Variants in VGLL4 observed in about 807,000 individuals in gnomAD.
VGLL4 encodes transcription cofactor vestigial-like protein 4.
In VGLL4, 7 loss-of-function variants were observed where a neutral mutation model predicts 21.0. The observed-to-expected ratio is 0.33, with a 90% CI of 0.19 to 0.63. The LOEUF is 0.63. Among genes scored for constraint, VGLL4 ranks in the 20% least tolerant of loss-of-function variants. VGLL4 has a pLI of 0.78. For missense variants in VGLL4, 394 were observed against 425.7 expected, an observed-to-expected ratio of 0.93 and a Z score of 0.66; for synonymous variants, 222 against 173.2, an observed-to-expected ratio of 1.28 and a Z score of -2.21.
intron 1 of VGLL4, among the ~76,000 whole-genome samples, chr3:11,639,442 A>T (rs558150245): frequency 6.6e-6 from 1 of 152,380 alleles, no homozygotes; most frequent in Admixed American, 6.5e-5. Flanking sequence ...AATTTGGACC[A>T]GCAACTGGCT....
At chr3:11,658,974 C>A (rs1044073977) in intron 2 of VGLL4, among the ~76,000 whole-genome samples, 1 of 152,102 alleles carries the variant, frequency 6.6e-6, no homozygotes, top group Non-Finnish European at 1.5e-5. Context: ...CACCTCCAGG[C>A]GTCAGGCACA....
chr3:11,574,592 A>C (rs920654372), intron 2 of VGLL4, among the ~76,000 whole-genome samples: 2 of 152,200 alleles, frequency 1.3e-5, no homozygotes, highest in South Asian at 4.1e-4. Context: ...AGACCACTGT[A>C]GGGTGACTGC....
Position 11,643,649 on chromosome 3 carries a change from AAAAC to A in VGLL4, c.-135_-132del, listed in dbSNP as rs954117894. 22 of 1,490,638 alleles carry A rather than the reference AAAAC, an allele frequency of 1.5e-5. No homozygotes were observed. In the African/African-American group the frequency reaches 3.0e-4, roughly 20 times the overall value. The allele number at this position is 1,490,638 out of a possible 1,614,324, so 92.3% of individuals were successfully genotyped here. A position where few individuals can be genotyped will look rare whatever the true frequency, so the allele number is the denominator to read the frequency against. On this transcript the variant is annotated 5_prime_UTR_variant, in exon 1 of 5. Transcript: ENST00000430365. ...GGCAGAGGCCCAGCCTCAGACTATC[AAAAC>A]AAAGTATGCAAAAGTTAAAAAAAAA...
At chr3:11,632,709 A>C (rs1008665141) in intron 1 of VGLL4, among the ~76,000 whole-genome samples, 3 of 152,228 alleles carry the variant, frequency 2.0e-5, no homozygotes, top group African/African-American at 7.2e-5. Context: ...AACAGACATC[A>C]ACCTGGCATA....
chr3:11,638,118 T>C (rs189498211), intron 1 of VGLL4, among the ~76,000 whole-genome samples: 1 of 152,332 alleles, frequency 6.6e-6, no homozygotes, highest in East Asian at 1.9e-4. Flanking sequence ...ATCCTCACAG[T>C]CAGGGAGAAC....
intron 2 of VGLL4, among the ~76,000 whole-genome samples, chr3:11,685,180 G>T (rs1258664801): frequency 6.7e-6 from 1 of 149,904 alleles, no homozygotes; most frequent in Non-Finnish European, 1.5e-5. Context: ...TTTTGTAGCT[G>T]CATAGTATTC....
intron 2 of VGLL4, among the ~76,000 whole-genome samples, chr3:11,673,020 C>T (rs575707740): frequency 1.8e-4 from 27 of 152,278 alleles, no homozygotes; most frequent in Non-Finnish European, 3.4e-4. Flanking sequence ...ACCCAGCCAC[C>T]GGACTGGGGG....
intron 1 of VGLL4, among the ~76,000 whole-genome samples, chr3:11,716,776 T>C (rs2076924326): frequency 1.3e-5 from 2 of 152,186 alleles, no homozygotes; most frequent in Admixed American, 1.3e-4. Context: ...TTTTGCAATC[T>C]AGTTCTTATG....
chr3:11,602,803 C>T (rs186134654), intron 1 of VGLL4, among the ~76,000 whole-genome samples: 37 of 152,264 alleles, frequency 2.4e-4, no homozygotes, highest in Non-Finnish European at 1.6e-4. Flanking sequence ...CTTTGTGCCT[C>T]GCTGTGAATT....
At chr3:11,672,864 G>A (rs1321436011) in intron 2 of VGLL4, among the ~76,000 whole-genome samples, 1 of 152,098 alleles carries the variant, frequency 6.6e-6, no homozygotes, top group Admixed American at 6.6e-5. Context: ...TACCTAAGAA[G>A]CTACTAATAA....
At chr3:11,629,974 G>GA (rs1241436461) in intron 1 of VGLL4, among the ~76,000 whole-genome samples, 1 of 151,868 alleles carries the variant, frequency 6.6e-6, no homozygotes, top group African/African-American at 2.4e-5. Flanking sequence ...TAAGCTAAAG[G>GA]AAAGTGTTCT....
intron 2 of VGLL4, 72 bp downstream of exon 2, chr3:11,601,761 C>G: frequency 1.3e-6 from 2 of 1,523,096 alleles, no homozygotes; most frequent in Non-Finnish European, 1.8e-6. Context: ...TCAGAATTAG[C>G]ACAAAGTTGC....
chr3:11,643,773 C>T lies in VGLL4; in HGVS notation c.-255G>A, dbSNP rs958548688. On this transcript the variant is annotated 5_prime_UTR_variant, in exon 1 of 5. Transcript: ENST00000430365. The stretch of plus-strand genomic sequence containing the variant: ...CTGTATCCCCGATCGAGTATGAAAA[C>T]AGCGTTTCAGAAGTCCTTACAAGTC... The T allele has an allele frequency of 3.3e-6, 4 of 1,206,448 alleles. No individual in the cohort carries two copies. The highest frequency in any genetic ancestry group is 8.2e-5 in the Admixed American group (2 of 24,272). The allele number at this position is 1,206,448 out of a possible 1,614,324, so 74.7% of individuals were successfully genotyped here. A position where few individuals can be genotyped will look rare whatever the true frequency, so the allele number is the denominator to read the frequency against.
chr3:11,643,662 C>T lies in VGLL4; in HGVS notation c.-144G>A. 1 of 1,385,974 alleles carries T rather than the reference C, an allele frequency of 7.2e-7. No individual in the cohort carries two copies. Among genetic ancestry groups the T allele is most frequent in the Non-Finnish European group, 9.3e-7 (1 of 1,075,548 alleles). The allele number at this position is 1,385,974 out of a possible 1,614,324, so 85.9% of individuals were successfully genotyped here. A position where few individuals can be genotyped will look rare whatever the true frequency, so the allele number is the denominator to read the frequency against. ...CCTCAGACTATCAAAACAAAGTATG[C>T]AAAAGTTAAAAAAAAAAAAATCAGG... On this transcript the variant is annotated 5_prime_UTR_variant, in exon 1 of 5. Transcript: ENST00000430365.
At position 11,558,756 on chromosome 3, in the gene VGLL4, C is replaced by G. The variant is rs763815966; in HGVS notation, c.691G>C (p.Glu231Gln). 1.9e-6 allele frequency: 3 copies of G among 1,614,154 alleles called. No homozygotes were observed. In the East Asian group the frequency reaches 6.7e-5, roughly 36 times the overall value. The change falls in exon 5 of 5, where the codon GAG (glutamate) becomes CAG (glutamine). Residue 231 changes from glutamate (E) to glutamine (Q), a missense_variant. By Grantham distance (29) the Glu-to-Gln change is conservative. Coordinates refer to ENST00000430365, the MANE Select transcript of VGLL4 (RefSeq NM_001128219.3). ...ATGGACACGGAGTTGGGTGCCGGCT[C>G]GGGCTCCTTGTAATTCTTGCCCAGG... The part of the protein sequence containing the change: ...RSLGKNYKEP[E>Q]PAPNSVSITG...
At position 11,608,997 on chromosome 3, in the gene VGLL4, G is replaced by A. The variant is rs569157785; in HGVS notation, c.83-6975C>T. Among the ~76,000 whole-genome samples the A allele has an allele frequency of 1.0e-3, 156 of 152,184 alleles. 1 individual carries two copies. The highest frequency in any genetic ancestry group is 3.5e-3 in the African/African-American group (147 of 41,526). On this transcript the variant is annotated intron_variant, in intron 1 of 4. Coordinates refer to ENST00000430365, the MANE Select transcript of VGLL4 (RefSeq NM_001128219.3). Reference sequence around the variant, plus strand: ...CTGCGTCAGCCTCCCGAGTGTAGCCGGGACTACAAGTGCTCGCCACCATGC... The same window carrying A: ...CTGCGTCAGCCTCCCGAGTGTAGCCAGGACTACAAGTGCTCGCCACCATGC...
chr3:11,647,028 T>C (rs960224311), upstream of VGLL4, among the ~76,000 whole-genome samples: 2 of 152,248 alleles, frequency 1.3e-5, no homozygotes, highest in Admixed American at 1.3e-4. Flanking sequence ...TTTCTAGTTA[T>C]AGGGCTGCAT....
chr3:11,609,500 A>T (rs1460325935), intron 1 of VGLL4, among the ~76,000 whole-genome samples: 1 of 152,240 alleles, frequency 6.6e-6, no homozygotes, highest in Non-Finnish European at 1.5e-5. Context: ...GAATACTACA[A>T]GAAAGTTGTA....
chr3:11,587,877 C>T (rs1427710207), intron 2 of VGLL4, among the ~76,000 whole-genome samples: 3 of 152,158 alleles, frequency 2.0e-5, no homozygotes, highest in African/African-American at 4.8e-5. Context: ...GAGTCAACAC[C>T]GGGATGAGAT....
Sources: gnomAD v4.1 joint callset for allele counts (sites outside exome capture counted in the v4.1 genomes callset) on GRCh38, gnomAD v4.1.1 for gene constraint, MANE v1.5 for transcripts, NCBI Gene and HGNC (gene_info 2026-07-23, HGNC 2026-07-21) for gene names.